The following CYP20A1 variants were observed in gnomAD, a reference collection of about 807,000 sequenced individuals.
CYP20A1 encodes the protein cytochrome P450 20A1.
In CYP20A1, 61 loss-of-function variants were observed where a neutral mutation model predicts 61.4. That is an observed-to-expected ratio of 0.99 (90% CI 0.81 to 1.23). The LOEUF is 1.23. Among genes scored for constraint, CYP20A1 ranks in the 50% most tolerant of loss-of-function variants. The pLI is 0.00. For synonymous variants in CYP20A1, 193 were observed against 188.2 expected (o/e 1.03, Z -0.21); for missense variants, 530 against 542.4 (o/e 0.98, Z 0.23).
intron 8 of CYP20A1, among the ~76,000 whole-genome samples, chr2:203,282,193 A>G (rs1559103441): frequency 6.6e-6 from 1 of 151,846 alleles, no homozygotes; most frequent in Non-Finnish European, 1.5e-5. Flanking sequence ...GCCTGCAACT[A>G]TGCTTGGCTA....
chr2:203,261,170 A>G (rs886775572), intron 4 of CYP20A1, among the ~76,000 whole-genome samples: 1 of 151,778 alleles, frequency 6.6e-6, no homozygotes, highest in African/African-American at 2.4e-5. Flanking sequence ...GGAGTTCAAG[A>G]CCCGCCTGGG....
intron 1 of CYP20A1, among the ~76,000 whole-genome samples, chr2:203,240,051 G>T (rs141370792): frequency 3.0e-4 from 45 of 152,232 alleles, no homozygotes; most frequent in South Asian, 1.9e-3. Context: ...AGCCAAGATC[G>T]CACCACTGCA....
chr2:203,260,787 G>C (rs1367387493), intron 4 of CYP20A1, among the ~76,000 whole-genome samples: 1 of 152,158 alleles, frequency 6.6e-6, no homozygotes, highest in East Asian at 1.9e-4. Flanking sequence ...GCCTCCCAAA[G>C]ACCTAGGATT....
intron 6 of CYP20A1, among the ~76,000 whole-genome samples, chr2:203,276,890 A>G (rs2067843503): frequency 6.6e-6 from 1 of 152,198 alleles, no homozygotes; most frequent in African/African-American, 2.4e-5. Flanking sequence ...GTGAATATAG[A>G]TAGAAAAAGG....
chr2:203,263,240 C>T (rs1183119625), intron 4 of CYP20A1, among the ~76,000 whole-genome samples: 4 of 151,178 alleles, frequency 2.6e-5, no homozygotes, highest in South Asian at 2.1e-4. Flanking sequence ...CAGCCCACCT[C>T]GGCCTCCCAA....
chr2:203,284,980 A>G (rs889452372), intron 8 of CYP20A1, among the ~76,000 whole-genome samples: 10 of 151,760 alleles, frequency 6.6e-5, no homozygotes, highest in African/African-American at 1.9e-4. Flanking sequence ...TCCTGAGCCT[A>G]CGCAATCCCC....
Position 203,304,228 on chromosome 2 carries a change from G to A in CYP20A1, c.*7320G>A, listed in dbSNP as rs968205343. On this transcript the variant is annotated 3_prime_UTR_variant, in exon 13 of 13. Transcript: ENST00000356079. ...CTCCATAGGTCTCAGCCAGACTCTG[G>A]AGGTCTCAGCCCAGGCTTGAGTGCA... Among the ~76,000 whole-genome samples, 1 of 146,890 alleles carries A rather than the reference G, an allele frequency of 6.8e-6. No homozygotes were observed. The highest frequency in any genetic ancestry group is 1.5e-5 in the Non-Finnish European group (1 of 66,388).
Position 203,304,182 on chromosome 2 carries a change from A to G in CYP20A1, c.*7274A>G, listed in dbSNP as rs1488290131. Among the ~76,000 whole-genome samples the G allele has an allele frequency of 2.6e-5, 4 of 152,156 alleles. No homozygotes were observed. The highest frequency in any genetic ancestry group is 5.9e-5 in the Non-Finnish European group (4 of 68,026). On this transcript the variant is annotated 3_prime_UTR_variant, in exon 13 of 13. Coordinates refer to ENST00000356079, the MANE Select transcript of CYP20A1 (RefSeq NM_177538.3). ...TGCCGAGATCGCACCACTGTACTCCAGCCTAGGTGACAGAGTGAGACTCCA... is the reference window on the plus strand; with the variant it reads ...TGCCGAGATCGCACCACTGTACTCCGGCCTAGGTGACAGAGTGAGACTCCA...
intron 9 of CYP20A1, 76 bp from the exon 10 acceptor site, chr2:203,289,688 GA>G: frequency 1.5e-6 from 1 of 650,010 alleles, no homozygotes; most frequent in Non-Finnish European, 2.6e-6. Context: ...AGTTGTTGAA[GA>G]ACGTTTTTTA....
chr2:203,243,160 C>T (rs992055358), intron 1 of CYP20A1, among the ~76,000 whole-genome samples: 1 of 152,070 alleles, frequency 6.6e-6, no homozygotes, highest in Non-Finnish European at 1.5e-5. Context: ...TTTTTTGAGA[C>T]GGAGTCTTAC....
intron 4 of CYP20A1, among the ~76,000 whole-genome samples, chr2:203,264,950 T>G (rs1420612027): frequency 1.3e-5 from 2 of 151,850 alleles, no homozygotes; most frequent in East Asian, 3.9e-4. Context: ...AGGATGGTCT[T>G]GATCTCCTGA....
rs1006422512 is a variant in CYP20A1 at position 203,264,262 on chromosome 2, C to T, written c.433-2252C>T. Among the ~76,000 whole-genome samples the T allele has an allele frequency of 2.6e-5, 4 of 152,184 alleles. No individual in the cohort carries two copies. In the East Asian group the frequency reaches 5.8e-4, roughly 22 times the overall value. On this transcript the variant is annotated intron_variant, in intron 4 of 12. Coordinates refer to ENST00000356079, the MANE Select transcript of CYP20A1 (RefSeq NM_177538.3). ...TTAGCCTCCTAAAGCTCTGGGATTACAGGCATGAGCCACCGTGTCTAGCCT... is the reference window on the plus strand; with the variant it reads ...TTAGCCTCCTAAAGCTCTGGGATTATAGGCATGAGCCACCGTGTCTAGCCT...
chr2:203,268,933 A>C (rs570490214), intron 5 of CYP20A1, among the ~76,000 whole-genome samples: 36 of 152,338 alleles, frequency 2.4e-4, no homozygotes, highest in African/African-American at 8.4e-4. Context: ...CATGACTGCT[A>C]CTTAGATGAA....
At chr2:203,260,452 C>A (rs1025391734) in intron 4 of CYP20A1, among the ~76,000 whole-genome samples, 1 of 152,104 alleles carries the variant, frequency 6.6e-6, no homozygotes, top group African/African-American at 2.4e-5. Flanking sequence ...GAACTCCTGA[C>A]CTCAGGTGAT....
intron 1 of CYP20A1, among the ~76,000 whole-genome samples, chr2:203,242,295 G>A (rs1250787862): frequency 1.3e-5 from 2 of 152,156 alleles, no homozygotes; most frequent in Admixed American, 1.3e-4. Flanking sequence ...GTAATCTTAA[G>A]AAGAGCGGTT....
intron 11 of CYP20A1, among the ~76,000 whole-genome samples, chr2:203,293,387 G>A (rs970897927): frequency 9.3e-5 from 14 of 150,300 alleles, no homozygotes; most frequent in African/African-American, 3.2e-4. Context: ...AGCTAATTTT[G>A]TGTAGTTTTA....
chr2:203,242,349 G>T (rs1575158361), intron 1 of CYP20A1, among the ~76,000 whole-genome samples: 1 of 152,130 alleles, frequency 6.6e-6, no homozygotes, highest in Non-Finnish European at 1.5e-5. Flanking sequence ...TGGATTCAGA[G>T]ATATCAAGTA....
intron 4 of CYP20A1, among the ~76,000 whole-genome samples, chr2:203,257,575 G>A (rs567199939): frequency 6.6e-6 from 1 of 152,098 alleles, no homozygotes; most frequent in South Asian, 2.1e-4. Flanking sequence ...GGATCACAAG[G>A]TCAGGAGTTC....
chr2:203,273,644 T>A (rs111822230), intron 6 of CYP20A1, among the ~76,000 whole-genome samples: 4,646 of 151,928 alleles, frequency 0.031, 263 homozygotes, highest in African/African-American at 0.11. Context: ...TCAAAAAATT[T>A]AAAAAATTAG....
Sources: gnomAD v4.1 joint callset for allele counts (sites outside exome capture counted in the v4.1 genomes callset) on GRCh38, gnomAD v4.1.1 for gene constraint, MANE v1.5 for transcripts, NCBI Gene and HGNC (gene_info 2026-07-23, HGNC 2026-07-21) for gene names.